Variants in KCNIP4 observed in about 807,000 individuals in gnomAD.
The protein encoded by KCNIP4 is Kv channel-interacting protein 4.
In KCNIP4, 12 loss-of-function variants were observed where a neutral mutation model predicts 34.0. That is an observed-to-expected ratio of 0.35 (90% CI 0.23 to 0.57). The LOEUF (loss-of-function observed/expected upper bound fraction) is 0.57. Among genes scored for constraint, KCNIP4 ranks in the 20% least tolerant of loss-of-function variants. KCNIP4 has a pLI of 0.83. For missense variants in KCNIP4, 238 were observed against 311.7 expected (o/e 0.76, Z 1.78); for synonymous variants, 124 against 102.2 (o/e 1.21, Z -1.29).
chr4:21,123,057 A>G (rs1750303098), intron 1 of KCNIP4, among the ~76,000 whole-genome samples: 1 of 151,764 alleles, frequency 6.6e-6, no homozygotes, highest in South Asian at 2.1e-4. Context: ...AAAAAAAAAT[A>G]CAAAAAATTA....
chr4:21,036,974 G>A (rs1031064639), intron 1 of KCNIP4, among the ~76,000 whole-genome samples: 2 of 152,066 alleles, frequency 1.3e-5, no homozygotes, highest in Non-Finnish European at 2.9e-5. Context: ...CTTGGCTAAT[G>A]TGTGTGTTTG....
intron 1 of KCNIP4, among the ~76,000 whole-genome samples, chr4:21,842,702 G>GT (rs1448477280): frequency 2.0e-5 from 3 of 152,034 alleles, no homozygotes; most frequent in Non-Finnish European, 2.9e-5. Flanking sequence ...TTTTTAAGAA[G>GT]TAATAGTCTT....
chr4:21,287,785 CTTCT>C (rs987138281), intron 1 of KCNIP4, among the ~76,000 whole-genome samples: 15 of 152,138 alleles, frequency 9.9e-5, no homozygotes, highest in African/African-American at 3.6e-4. Flanking sequence ...TTATTTTTGC[CTTCT>C]TTAACTTTCC....
chr4:21,553,020 T>C (rs1738702188), intron 1 of KCNIP4, among the ~76,000 whole-genome samples: 1 of 151,164 alleles, frequency 6.6e-6, no homozygotes, highest in Non-Finnish European at 1.5e-5. Context: ...AAGCATTAGG[T>C]GGTGGCCAGT....
At chr4:21,246,538 C>T (rs1760215931) in intron 1 of KCNIP4, among the ~76,000 whole-genome samples, 1 of 152,144 alleles carries the variant, frequency 6.6e-6, no homozygotes, top group African/African-American at 2.4e-5. Flanking sequence ...TTAGGCCACA[C>T]AGTTGCTATG....
chr4:20,884,177 A>T (rs1258980639), intron 1 of KCNIP4, among the ~76,000 whole-genome samples: 1 of 152,160 alleles, frequency 6.6e-6, no homozygotes, highest in Non-Finnish European at 1.5e-5. Context: ...TCTAAAGAAG[A>T]CTTGATTCAT....
intron 1 of KCNIP4, among the ~76,000 whole-genome samples, chr4:21,894,334 C>CAAATAAATAAATAAATAAATAAAT (rs71655673): frequency 1.3e-5 from 2 of 150,788 alleles, no homozygotes; most frequent in African/African-American, 4.9e-5. Context: ...GACCCAGTCT[C>CAAATAAATAAATAAATAAATAAAT]AAATAAATAA....
At chr4:21,898,849 C>G (rs1367024602) in intron 1 of KCNIP4, among the ~76,000 whole-genome samples, 4 of 152,128 alleles carry the variant, frequency 2.6e-5, no homozygotes, top group African/African-American at 9.7e-5. Context: ...CTCATGTGGT[C>G]CCCGAGCACA....
chr4:21,110,656 C>T (rs1749082946), intron 1 of KCNIP4, among the ~76,000 whole-genome samples: 1 of 152,120 alleles, frequency 6.6e-6, no homozygotes, highest in South Asian at 2.1e-4. Context: ...AACCTAATCC[C>T]TAATTTGATG....
chr4:21,566,166 G>A lies in KCNIP4; in HGVS notation c.61+382405C>T, dbSNP rs184176945. ...CACAATCAAGAGACAGGGCGGAGCC[G>A]AAAGTATTTTTAATTTAATGTTGGC... On this transcript the variant is annotated intron_variant, in intron 1 of 8. Coordinates refer to ENST00000382152, the MANE Select transcript of KCNIP4 (RefSeq NM_025221.6). Among the ~76,000 whole-genome samples the A allele has an allele frequency of 2.1e-4, 32 of 152,282 alleles. No individual in the cohort carries two copies. The South Asian group carries it at 5.0e-3, about 24-fold the overall frequency.
intron 1 of KCNIP4, among the ~76,000 whole-genome samples, chr4:21,400,683 T>C (rs1723479639): frequency 6.6e-6 from 1 of 152,072 alleles, no homozygotes; most frequent in East Asian, 1.9e-4. Flanking sequence ...TGACCAAGCA[T>C]CCAACTGGTG....
chr4:21,689,407 T>G (rs1332996203), intron 1 of KCNIP4, among the ~76,000 whole-genome samples: 1 of 152,058 alleles, frequency 6.6e-6, no homozygotes, highest in Non-Finnish European at 1.5e-5. Context: ...AAGATCCCCA[T>G]TTTACAGATG....
chr4:21,009,740 A>G (rs1738903784), intron 1 of KCNIP4, among the ~76,000 whole-genome samples: 2 of 152,240 alleles, frequency 1.3e-5, no homozygotes, highest in Non-Finnish European at 2.9e-5. Flanking sequence ...GACAAAGGAC[A>G]TATCCCTTCT....
At chr4:20,812,009 GCCACTT>G (rs1715830927) in intron 3 of KCNIP4, among the ~76,000 whole-genome samples, 1 of 152,188 alleles carries the variant, frequency 6.6e-6, no homozygotes, top group Admixed American at 6.5e-5. Context: ...GTTTGATGGT[GCCACTT>G]TTTTCCCCCA....
At chr4:21,241,763 AG>A (rs909651719) in intron 1 of KCNIP4, among the ~76,000 whole-genome samples, 7 of 152,174 alleles carry the variant, frequency 4.6e-5, no homozygotes, top group Admixed American at 3.3e-4. Flanking sequence ...TAGAAGTTCC[AG>A]GGCTTGAGTC....
intron 1 of KCNIP4, among the ~76,000 whole-genome samples, chr4:21,789,435 G>A (rs911803381): frequency 6.6e-6 from 1 of 152,118 alleles, no homozygotes; most frequent in African/African-American, 2.4e-5. Context: ...CTAGATGGCG[G>A]TACCTACACA....
intron 1 of KCNIP4, among the ~76,000 whole-genome samples, chr4:21,197,733 G>A (rs1170011392): frequency 6.6e-6 from 1 of 152,040 alleles, no homozygotes; most frequent in East Asian, 1.9e-4. Context: ...CTGTGAATAT[G>A]TATTAAACTG....
chr4:21,724,570 CTTT>C (rs397790836), intron 1 of KCNIP4, among the ~76,000 whole-genome samples: 2 of 143,748 alleles, frequency 1.4e-5, no homozygotes, highest in Non-Finnish European at 1.5e-5. Context: ...CAGTGAGGGC[CTTT>C]TTTTTTTTTA....
At chr4:20,988,604 C>T (rs910829309) in intron 1 of KCNIP4, among the ~76,000 whole-genome samples, 2 of 151,986 alleles carry the variant, frequency 1.3e-5, no homozygotes, top group African/African-American at 2.4e-5. Flanking sequence ...CGTTAAAATT[C>T]GATATATTTA....
Sources: gnomAD v4.1 joint callset for allele counts (sites outside exome capture counted in the v4.1 genomes callset) on GRCh38, gnomAD v4.1.1 for gene constraint, MANE v1.5 for transcripts, NCBI Gene and HGNC (gene_info 2026-07-23, HGNC 2026-07-21) for gene names.